Variants in TAFA1 observed in about 807,000 individuals in gnomAD.
TAFA1 encodes the protein TAFA chemokine like family member 1, also known as chemokine-like protein TAFA-1.
A neutral mutation model predicts 18.5 loss-of-function variants in TAFA1; 4 were observed. The observed-to-expected ratio is 0.22, with a 90% CI of 0.11 to 0.49. The LOEUF (loss-of-function observed/expected upper bound fraction) is 0.49, where lower values mean the gene tolerates loss of function less well. TAFA1 is among the 20% of genes least tolerant of loss of function. The pLI is 0.98. For missense variants in TAFA1, 147 were observed against 169.0 expected (o/e 0.87, Z 0.72); for synonymous variants, 56 against 55.2 (o/e 1.01, Z -0.06).
intron 2 of TAFA1, among the ~76,000 whole-genome samples, chr3:68,386,401 T>G (rs564077172): frequency 6.6e-6 from 1 of 152,116 alleles, no homozygotes; most frequent in Non-Finnish European, 1.5e-5. Context: ...AGTTTTTTTT[T>G]GTTTGTTTTT....
intron 2 of TAFA1, among the ~76,000 whole-genome samples, chr3:68,387,670 C>T (rs530639470): frequency 6.6e-6 from 1 of 151,190 alleles, no homozygotes; most frequent in East Asian, 2.0e-4. Flanking sequence ...AGTCGTTTTT[C>T]TGCTTTCACT....
intron 2 of TAFA1, among the ~76,000 whole-genome samples, chr3:68,098,141 A>G (rs2065108728): frequency 6.6e-6 from 1 of 152,234 alleles, no homozygotes; most frequent in South Asian, 2.1e-4. Flanking sequence ...CTTTCAAATG[A>G]AACTTGCAGT....
At chr3:68,001,054 G>T (rs1575567704), upstream of TAFA1, among the ~76,000 whole-genome samples, 1 of 152,132 alleles carries the variant, frequency 6.6e-6, no homozygotes, top group East Asian at 1.9e-4. Context: ...ACCTTTATAT[G>T]CTTCTGATAT....
intron 2 of TAFA1, among the ~76,000 whole-genome samples, chr3:68,261,353 G>A (rs1183006606): frequency 6.6e-6 from 1 of 152,182 alleles, no homozygotes; most frequent in Non-Finnish European, 1.5e-5. Flanking sequence ...GGAAGTCAGT[G>A]TGGCGATTCC....
intron 2 of TAFA1, among the ~76,000 whole-genome samples, chr3:68,044,120 C>T (rs943696013): frequency 8.5e-5 from 13 of 152,126 alleles, no homozygotes; most frequent in Admixed American, 6.5e-4. Context: ...GATGAGAACC[C>T]TTTCTGTTAC....
At chr3:68,177,910 C>T (rs9834973) in intron 2 of TAFA1, among the ~76,000 whole-genome samples, 107,428 of 152,062 alleles carry the variant, frequency 0.71, 38,845 homozygotes, top group Admixed American at 0.8. Context: ...TTTGGGAGTC[C>T]GAGGTGGGCG....
At chr3:67,995,473 C>T in the TAFA1 span, among the ~76,000 whole-genome samples, 3 of 152,074 alleles carry the variant, frequency 2.0e-5, no homozygotes, top group African/African-American at 7.2e-5. Flanking sequence ...CATGAGCATG[C>T]GAGGCGTGTT....
chr3:68,534,897 A>T lies in TAFA1; in HGVS notation c.260-3859A>T, dbSNP rs554842073. On this transcript the variant is annotated intron_variant, in intron 3 of 4. Coordinates refer to ENST00000478136, the MANE Select transcript of TAFA1 (RefSeq NM_213609.4). The stretch of plus-strand genomic sequence containing the variant: ...AGAAGGAGGCAACACCAAAAAAAAA[A>T]TGCAAAAAGCTGACCCCACTGGCGG... Among the ~76,000 whole-genome samples the T allele has an allele frequency of 1.4e-3, 209 of 152,260 alleles. 2 individuals carry two copies. The highest frequency in any genetic ancestry group is 4.8e-3 in the African/African-American group (201 of 41,556).
At chr3:68,114,872 A>T (rs775157612) in intron 2 of TAFA1, among the ~76,000 whole-genome samples, 11 of 152,346 alleles carry the variant, frequency 7.2e-5, no homozygotes, top group Non-Finnish European at 1.0e-4. Context: ...AGTGAAAAGG[A>T]AAAATTACAG....
At chr3:68,439,041 C>A (rs2106860462) in intron 3 of TAFA1, among the ~76,000 whole-genome samples, 1 of 152,164 alleles carries the variant, frequency 6.6e-6, no homozygotes, top group East Asian at 1.9e-4. Context: ...TGGGATCTTT[C>A]TTCCATTGTC....
intron 2 of TAFA1, among the ~76,000 whole-genome samples, chr3:68,231,326 C>T (rs2066868057): frequency 6.7e-6 from 1 of 150,138 alleles, no homozygotes; most frequent in East Asian, 1.9e-4. Flanking sequence ...TCAATCTACC[C>T]ATGCTTTAAT....
intron 2 of TAFA1, among the ~76,000 whole-genome samples, chr3:68,275,546 G>A (rs2067779622): frequency 6.6e-6 from 1 of 151,660 alleles, no homozygotes; most frequent in South Asian, 2.1e-4. Context: ...CACTGTGGGG[G>A]AATCAAACAC....
At chr3:68,233,757 G>A (rs376998453) in intron 2 of TAFA1, among the ~76,000 whole-genome samples, 105 of 152,032 alleles carry the variant, frequency 6.9e-4, no homozygotes, top group African/African-American at 2.2e-3. Flanking sequence ...CTTTTATACT[G>A]GAACTTCCAG....
intron 2 of TAFA1, among the ~76,000 whole-genome samples, chr3:68,076,108 A>T (rs548063411): frequency 1.3e-5 from 2 of 152,268 alleles, no homozygotes; most frequent in East Asian, 3.9e-4. Flanking sequence ...GGGTTGTTCC[A>T]CTGTTATTTA....
At chr3:68,292,641 C>T (rs2068130607) in intron 2 of TAFA1, among the ~76,000 whole-genome samples, 1 of 152,136 alleles carries the variant, frequency 6.6e-6, no homozygotes. Flanking sequence ...ATCCTCCTGC[C>T]TCAACCTTCC....
chr3:68,105,081 G>A (rs2065189111), intron 2 of TAFA1, among the ~76,000 whole-genome samples: 1 of 151,990 alleles, frequency 6.6e-6, no homozygotes, highest in East Asian at 1.9e-4. Context: ...GAGCAAGGAG[G>A]TGCCACACTC....
At chr3:68,368,422 TA>T (rs2069613498) in intron 2 of TAFA1, among the ~76,000 whole-genome samples, 1 of 152,196 alleles carries the variant, frequency 6.6e-6, no homozygotes, top group African/African-American at 2.4e-5. Context: ...ACTTTATCAC[TA>T]GACCGCAAAA....
chr3:68,463,054 G>A (rs934556827), intron 3 of TAFA1, among the ~76,000 whole-genome samples: 18 of 152,098 alleles, frequency 1.2e-4, no homozygotes, highest in African/African-American at 4.3e-4. Flanking sequence ...CTCTCTACAG[G>A]GACCTTGTGT....
intron 2 of TAFA1, among the ~76,000 whole-genome samples, chr3:68,025,074 C>T (rs1476300505): frequency 6.6e-6 from 1 of 152,108 alleles, no homozygotes; most frequent in Non-Finnish European, 1.5e-5. Flanking sequence ...AACAGATCTT[C>T]CCTAGTCCCC....
Sources: gnomAD v4.1 joint callset for allele counts (sites outside exome capture counted in the v4.1 genomes callset) on GRCh38, gnomAD v4.1.1 for gene constraint, MANE v1.5 for transcripts, NCBI Gene and HGNC (gene_info 2026-07-23, HGNC 2026-07-21) for gene names.